Variants in CSMD1 observed in about 807,000 individuals in gnomAD.
The protein encoded by CSMD1 is CUB and sushi domain-containing protein 1.
Under a neutral mutation model 417.5 loss-of-function variants are expected in CSMD1, and 213 were observed. The ratio of observed to expected loss-of-function variants is 0.51; its 90% CI spans 0.46 to 0.57. The LOEUF (loss-of-function observed/expected upper bound fraction) is 0.57. Among genes scored for constraint, CSMD1 ranks in the 20% least tolerant of loss-of-function variants. The pLI, the probability that CSMD1 is intolerant of heterozygous loss-of-function variation, is 0.00. For missense variants in CSMD1, 6,923 were observed against 4,529.7 expected (o/e 1.53, Z -15.17); for synonymous variants, 2,862 against 1,736.8 (o/e 1.65, Z -16.11).
At chr8:3,132,793 C>T (rs1247365730) in intron 41 of CSMD1, among the ~76,000 whole-genome samples, 3 of 152,166 alleles carry the variant, frequency 2.0e-5, no homozygotes, top group African/African-American at 7.2e-5. Context: ...TCTGGAGAAG[C>T]CCAAGCTCTT....
intron 3 of CSMD1, among the ~76,000 whole-genome samples, chr8:4,346,644 A>G (rs1372552982): frequency 6.6e-6 from 1 of 152,202 alleles, no homozygotes; most frequent in South Asian, 2.1e-4. Context: ...GGTAAGTGAA[A>G]TCTTCATTGC....
chr8:4,493,548 A>G (rs1456386353), intron 2 of CSMD1, among the ~76,000 whole-genome samples: 2 of 152,034 alleles, frequency 1.3e-5, no homozygotes, highest in Non-Finnish European at 2.9e-5. Flanking sequence ...CATTTTTAAA[A>G]CATTAGCCAG....
At chr8:3,627,094 T>C (rs983901028) in intron 7 of CSMD1, among the ~76,000 whole-genome samples, 2 of 152,130 alleles carry the variant, frequency 1.3e-5, no homozygotes, top group Admixed American at 1.3e-4. Context: ...TAGTTTAACA[T>C]TGTAATTAAC....
intron 23 of CSMD1, among the ~76,000 whole-genome samples, chr8:3,326,167 C>G (rs992432273): frequency 6.6e-6 from 1 of 152,212 alleles, no homozygotes; most frequent in Non-Finnish European, 1.5e-5. Flanking sequence ...ACATCATACA[C>G]TGACAGTTCC....
At chr8:3,068,567 TG>T (rs1563302547) in intron 49 of CSMD1, among the ~76,000 whole-genome samples, 340 of 152,354 alleles carry the variant, frequency 2.2e-3, no homozygotes, top group African/African-American at 7.1e-3. Flanking sequence ...AGTTGGCTCA[TG>T]TTTCTGCAGG....
intron 1 of CSMD1, among the ~76,000 whole-genome samples, chr8:4,725,260 A>G (rs1585003117): frequency 6.6e-6 from 1 of 152,298 alleles, no homozygotes; most frequent in East Asian, 1.9e-4. Context: ...ATCGAACTTC[A>G]TTGGTACATG....
At chr8:4,826,326 T>C (rs2117413407) in intron 1 of CSMD1, among the ~76,000 whole-genome samples, 1 of 152,244 alleles carries the variant, frequency 6.6e-6, no homozygotes. Flanking sequence ...TGTGTGTATA[T>C]ATACATATAA....
chr8:3,316,527 G>C (rs1480552226), intron 23 of CSMD1, among the ~76,000 whole-genome samples: 4 of 102,006 alleles, frequency 3.9e-5, no homozygotes, highest in African/African-American at 1.6e-4. Context: ...GGTTCAGTGA[G>C]CCTTGCGGGA....
chr8:4,052,607 G>C (rs931995159), intron 3 of CSMD1, among the ~76,000 whole-genome samples: 1 of 152,112 alleles, frequency 6.6e-6, no homozygotes, highest in Non-Finnish European at 1.5e-5. Context: ...TATAATTTAA[G>C]TATTTAGACC....
At chr8:4,930,886 G>C (rs936291649) in intron 1 of CSMD1, among the ~76,000 whole-genome samples, 1 of 152,158 alleles carries the variant, frequency 6.6e-6, no homozygotes, top group African/African-American at 2.4e-5. Flanking sequence ...ATTACTGTAT[G>C]TCTAGTTTTC....
chr8:3,481,089 G>A (rs1563078967), intron 11 of CSMD1, among the ~76,000 whole-genome samples: 1 of 147,974 alleles, frequency 6.8e-6, no homozygotes, highest in Admixed American at 6.9e-5. Context: ...CCAGAAGGCG[G>A]AGCTTGCAGT....
At chr8:4,921,818 A>T (rs1806517647) in intron 1 of CSMD1, among the ~76,000 whole-genome samples, 1 of 152,112 alleles carries the variant, frequency 6.6e-6, no homozygotes, top group African/African-American at 2.4e-5. Flanking sequence ...TGGCGAGAGG[A>T]CTTTATAAAA....
rs1005705429 is a variant in CSMD1 at position 3,998,101 on chromosome 8, G to A, written c.620C>T (p.Ala207Val). Residue 207 changes from alanine to valine, a missense_variant, in exon 5 of 70, where the codon GCC (alanine) becomes GTC (valine). Physicochemically the swap from Ala to Val is moderately conservative, Grantham distance 64 (BLOSUM62 0). Coordinates refer to ENST00000635120, the MANE Select transcript of CSMD1 (RefSeq NM_033225.6). ...GGTCCCGCGTAAGGTTCCTCCGCAG[G>A]CTCCCTCAGCTGCAGGGGCAAAAGC... ...FPAPFCRAEG[A>V]CGGTLRGTSS... 6 of 1,565,160 alleles carry A rather than the reference G, an allele frequency of 3.8e-6. No individual in the cohort carries two copies. In the African/African-American group the frequency reaches 4.1e-5, roughly 11 times the overall value.
chr8:4,370,526 A>C (rs1006546947), intron 3 of CSMD1, among the ~76,000 whole-genome samples: 3 of 152,198 alleles, frequency 2.0e-5, no homozygotes, highest in Non-Finnish European at 4.4e-5. Context: ...TATATGTTCA[A>C]ATGTGTTTCT....
chr8:3,578,613 A>T (rs572695477), intron 9 of CSMD1, among the ~76,000 whole-genome samples: 3 of 152,312 alleles, frequency 2.0e-5, no homozygotes, highest in Admixed American at 2.0e-4. Flanking sequence ...TCAGAAACAT[A>T]GACGTATGAA....
intron 2 of CSMD1, among the ~76,000 whole-genome samples, chr8:4,601,495 A>C (rs1282465384): frequency 6.6e-6 from 1 of 152,188 alleles, no homozygotes; most frequent in East Asian, 1.9e-4. Flanking sequence ...GATATTACAG[A>C]ATAGACAAGG....
At chr8:4,357,731 A>C (rs1801509923) in intron 3 of CSMD1, among the ~76,000 whole-genome samples, 1 of 152,200 alleles carries the variant, frequency 6.6e-6, no homozygotes, top group Admixed American at 6.5e-5. Context: ...AGAGATACTC[A>C]AGCCAAAATT....
intron 1 of CSMD1, among the ~76,000 whole-genome samples, chr8:4,728,044 T>A (rs1273269410): frequency 6.8e-6 from 1 of 146,710 alleles, no homozygotes; most frequent in Admixed American, 6.9e-5. Context: ...TTTTGGTTTA[T>A]TGTTATATAT....
intron 5 of CSMD1, among the ~76,000 whole-genome samples, chr8:3,856,230 T>C (rs1412846692): frequency 2.6e-5 from 4 of 152,092 alleles, no homozygotes; most frequent in Non-Finnish European, 5.9e-5. Context: ...GCTGTTTGTG[T>C]AGCACCTGCT....
Sources: gnomAD v4.1 joint callset for allele counts (sites outside exome capture counted in the v4.1 genomes callset) on GRCh38, gnomAD v4.1.1 for gene constraint, MANE v1.5 for transcripts, NCBI Gene and HGNC (gene_info 2026-07-23, HGNC 2026-07-21) for gene names.